VPS13A: variants seen among roughly 807,000 people sequenced by gnomAD.
The protein encoded by VPS13A is vacuolar protein sorting 13 homolog A, also known as intermembrane lipid transfer protein VPS13A.
VPS13A carries 264 observed loss-of-function variants against 390.9 expected under a neutral mutation model. The observed-to-expected ratio is 0.68, with a 90% CI of 0.61 to 0.75. VPS13A has a LOEUF of 0.75. Among genes scored for constraint, VPS13A ranks in the 30% least tolerant of loss-of-function variants. The pLI, the probability that VPS13A is intolerant of heterozygous loss-of-function variation, is 0.00. For missense variants in VPS13A, 3,409 were observed against 3,733.9 expected, an observed-to-expected ratio of 0.91 and a Z score of 2.27; for synonymous variants, 1,231 against 1,227.1, an observed-to-expected ratio of 1.00 and a Z score of -0.07.
intron 68 of VPS13A, among the ~76,000 whole-genome samples, chr9:77,397,297 T>C (rs558583187): frequency 1.3e-5 from 2 of 152,262 alleles, no homozygotes; most frequent in Non-Finnish European, 2.9e-5. Flanking sequence ...CTGAATTTCA[T>C]GTTTTTAATC....
At chr9:77,189,132 CTT>C (rs542812911) in intron 1 of VPS13A, among the ~76,000 whole-genome samples, 4 of 112,180 alleles carry the variant, frequency 3.6e-5, no homozygotes, top group Non-Finnish European at 3.7e-5. Context: ...TCCCACTTGC[CTT>C]TTTTTTTTTT....
intron 31 of VPS13A, among the ~76,000 whole-genome samples, chr9:77,285,848 T>C (rs771166458): frequency 6.6e-6 from 1 of 152,242 alleles, no homozygotes; most frequent in Non-Finnish European, 1.5e-5. Context: ...AAGTCTGTTA[T>C]AGTTTATGAA....
intron 19 of VPS13A, among the ~76,000 whole-genome samples, chr9:77,240,730 T>C (rs896267139): frequency 1.3e-5 from 2 of 152,082 alleles, no homozygotes; most frequent in African/African-American, 2.4e-5. Flanking sequence ...CATCTCAGCC[T>C]CCCAAAGTGC....
chr9:77,263,232 G>A (rs1397254477), intron 23 of VPS13A, among the ~76,000 whole-genome samples: 2 of 151,426 alleles, frequency 1.3e-5, no homozygotes, highest in Non-Finnish European at 1.5e-5. Context: ...TCAGCCTCCC[G>A]AGTAGCTGGG....
At chr9:77,285,255 C>G (rs1472579958) in intron 31 of VPS13A, among the ~76,000 whole-genome samples, 3 of 152,016 alleles carry the variant, frequency 2.0e-5, no homozygotes, top group Admixed American at 2.0e-4. Context: ...TTTCATAAGC[C>G]TTGTACAGCG....
chr9:77,332,247 A>C lies in VPS13A; in HGVS notation c.6095+134A>C, dbSNP rs187004983. ...AACGTATTTAGGTTTCAGTGCACTTAGATCTTAAAAAAGAAGTATTATTTA... is the reference window on the plus strand; with the variant it reads ...AACGTATTTAGGTTTCAGTGCACTTCGATCTTAAAAAAGAAGTATTATTTA... On this transcript the variant is annotated intron_variant, in intron 46 of 71. Transcript: ENST00000360280. 1.0e-3 allele frequency: 668 copies of C among 667,094 alleles called. 6 individuals carry two copies. In the East Asian group the frequency reaches 0.016, roughly 16 times the overall value. 41.3% of individuals were successfully genotyped at this position (667,094 alleles called of 1,614,324 possible).
At chr9:77,414,659 C>T (rs1196644927) in intron 71 of VPS13A, among the ~76,000 whole-genome samples, 3 of 151,766 alleles carry the variant, frequency 2.0e-5, no homozygotes, top group Admixed American at 6.6e-5. Context: ...TTGATGGGTG[C>T]AGCACACCAA....
chr9:77,308,802 A>G (rs2153462), intron 35 of VPS13A, among the ~76,000 whole-genome samples: 30,599 of 152,074 alleles, frequency 0.2, 3,280 homozygotes, highest in Middle Eastern at 0.26. Flanking sequence ...AATGAAACCT[A>G]CTAGTTCACA....
chr9:77,270,178 G>T (rs1372175588), intron 23 of VPS13A, among the ~76,000 whole-genome samples: 1 of 152,158 alleles, frequency 6.6e-6, no homozygotes, highest in African/African-American at 2.4e-5. Flanking sequence ...TTAGAACTGG[G>T]TAATGGGCAG....
At chr9:77,296,992 C>T (rs977680277) in intron 33 of VPS13A, among the ~76,000 whole-genome samples, 1 of 152,064 alleles carries the variant, frequency 6.6e-6, no homozygotes, top group African/African-American at 2.4e-5. Flanking sequence ...TGTCCTCCCT[C>T]ATTCCTGATA....
At chr9:77,283,928 A>G (rs1196317486) in intron 31 of VPS13A, among the ~76,000 whole-genome samples, 2 of 151,524 alleles carry the variant, frequency 1.3e-5, no homozygotes, top group African/African-American at 4.9e-5. Flanking sequence ...TGCAGGAACA[A>G]AGTTTTGGGA....
At chr9:77,293,307 A>G (rs769660737) in intron 31 of VPS13A, 34 bp from the exon 32 acceptor site, 2 of 1,549,952 alleles carry the variant, frequency 1.3e-6, no homozygotes, top group Non-Finnish European at 1.8e-6. Flanking sequence ...CATTTCAAAA[A>G]TGGATTGTGA....
intron 67 of VPS13A, among the ~76,000 whole-genome samples, chr9:77,373,407 T>C (rs1236748469): frequency 1.5e-5 from 2 of 133,230 alleles, no homozygotes; most frequent in African/African-American, 5.4e-5. Context: ...ATTTAATAAA[T>C]GGTGCTGGGA....
At chr9:77,205,817 C>T (rs1169518079) in intron 4 of VPS13A, among the ~76,000 whole-genome samples, 161 bp from the exon 5 acceptor site, 1 of 152,112 alleles carries the variant, frequency 6.6e-6, no homozygotes, top group Non-Finnish European at 1.5e-5. Context: ...GTTTCGAACT[C>T]CTGACCTCAT....
intron 60 of VPS13A, among the ~76,000 whole-genome samples, chr9:77,365,854 T>A (rs1225244586): frequency 2.0e-5 from 3 of 152,112 alleles, no homozygotes; most frequent in Non-Finnish European, 2.9e-5. Context: ...TTGCATATGA[T>A]GATTTGTGTA....
At chr9:77,259,842 T>A (rs1056046426) in intron 22 of VPS13A, among the ~76,000 whole-genome samples, 4 of 152,174 alleles carry the variant, frequency 2.6e-5, no homozygotes, top group Non-Finnish European at 5.9e-5. Flanking sequence ...TAGTAGTAAT[T>A]GTCAATTGTA....
Position 77,323,153 on chromosome 9 carries a change from G to C in VPS13A, c.5917G>C (p.Val1973Leu). The change falls in exon 45 of 72, where the codon GTT becomes CTT. Residue 1973 changes from valine to leucine, a missense_variant. This residue lies in a region of VPS13A where 2,717 missense variants were observed against 2,917.4 expected (regional missense o/e 0.93). Transcript: ENST00000360280. ...CACTGTAAGACACAGAGAGTCTGGC[G>C]TTGAAAGATCTATTGTTTGTCAAAT... ...LYTVRHRESG[V>L]ERSIVCQIDT... The C allele has an allele frequency of 6.2e-7, 1 of 1,613,522 alleles. No individual in the cohort carries two copies. The highest frequency in any genetic ancestry group is 1.1e-5 in the South Asian group (1 of 91,078).
intron 35 of VPS13A, among the ~76,000 whole-genome samples, chr9:77,312,234 A>G (rs889711232): frequency 2.0e-5 from 3 of 152,172 alleles, no homozygotes; most frequent in African/African-American, 7.2e-5. Context: ...TGTTCATTAA[A>G]GATACAGTAA....
chr9:77,179,590 A>G (rs969977399), intron 1 of VPS13A, among the ~76,000 whole-genome samples: 1 of 152,140 alleles, frequency 6.6e-6, no homozygotes, highest in Non-Finnish European at 1.5e-5. Context: ...GGTTATAAAT[A>G]AAGCCGTCAT....
Sources: allele counts gnomAD v4.1 joint callset (sites outside exome capture counted in the v4.1 genomes callset), GRCh38; gene constraint gnomAD v4.1.1; regional missense constraint gnomAD v4.1.1; transcripts MANE v1.5; gene names NCBI Gene and HGNC (gene_info 2026-07-23, HGNC 2026-07-21).